PIK3C2G: variants seen among roughly 807,000 people sequenced by gnomAD.
PIK3C2G encodes the protein phosphatidylinositol-4-phosphate 3-kinase catalytic subunit type 2 gamma.
PIK3C2G carries 168 observed loss-of-function variants against 181.1 expected under a neutral mutation model. The ratio of observed to expected loss-of-function variants is 0.93; its 90% confidence interval spans 0.82 to 1.05. The LOEUF is 1.05. PIK3C2G is among the 50% of genes least tolerant of loss of function. The pLI is 0.00. For missense variants in PIK3C2G, 1,869 were observed against 1,732.8 expected, an observed-to-expected ratio of 1.08 and a Z score of -1.40; for synonymous variants, 573 against 592.2, an observed-to-expected ratio of 0.97 and a Z score of 0.47.
chr12:18,525,385 C>A (rs1486895593), intron 24 of PIK3C2G, among the ~76,000 whole-genome samples: 1 of 150,364 alleles, frequency 6.7e-6, no homozygotes, highest in African/African-American at 2.5e-5. Flanking sequence ...AAAAGCAAAA[C>A]CCCATCTCAA....
chr12:18,318,470 C>A (rs1006735101), intron 6 of PIK3C2G, among the ~76,000 whole-genome samples: 3 of 151,940 alleles, frequency 2.0e-5, no homozygotes, highest in Admixed American at 2.0e-4. Flanking sequence ...CAAATGTTCT[C>A]TCAGTTTTAT....
chr12:18,546,686 C>T (rs373336500), intron 26 of PIK3C2G, among the ~76,000 whole-genome samples: 11 of 152,078 alleles, frequency 7.2e-5, no homozygotes, highest in African/African-American at 2.6e-4. Flanking sequence ...AATAAGAGGT[C>T]ATTGAAAAGA....
At chr12:18,265,687 T>G (rs1309182028) in intron 1 of PIK3C2G, among the ~76,000 whole-genome samples, 1 of 152,068 alleles carries the variant, frequency 6.6e-6, no homozygotes, top group Non-Finnish European at 1.5e-5. Flanking sequence ...CTTTTAACTT[T>G]GCTTTAATTT....
At chr12:18,357,277 A>G (rs1178138343) in intron 11 of PIK3C2G, among the ~76,000 whole-genome samples, 1 of 152,104 alleles carries the variant, frequency 6.6e-6, no homozygotes, top group Admixed American at 6.5e-5. Flanking sequence ...ACAAGATTTT[A>G]TAGTTTTGTC....
intron 31 of PIK3C2G, among the ~76,000 whole-genome samples, chr12:18,638,204 C>G (rs661175): frequency 0.97 from 148,330 of 152,232 alleles, 72,405 homozygotes; most frequent in East Asian, 1. Flanking sequence ...AGAGATGAGA[C>G]ATGGGGTAGA....
intron 18 of PIK3C2G, among the ~76,000 whole-genome samples, chr12:18,447,524 C>T (rs528917725): frequency 6.6e-6 from 1 of 152,280 alleles, no homozygotes; most frequent in East Asian, 1.9e-4. Context: ...CACTTCATGT[C>T]AGGTGCCCCT....
At chr12:18,255,216 A>AAAATAAGTAAAT (rs1948132569) in intron 1 of PIK3C2G, among the ~76,000 whole-genome samples, 2 of 131,858 alleles carry the variant, frequency 1.5e-5, no homozygotes, top group Non-Finnish European at 3.2e-5. Context: ...CTCCGTCTCA[A>AAAATAAGTAAAT]AAATAAATAA....
At chr12:18,719,097 T>C in the PIK3C2G span, among the ~76,000 whole-genome samples, 1 of 152,172 alleles carries the variant, frequency 6.6e-6, no homozygotes, top group Non-Finnish European at 1.5e-5. Context: ...GAGGATCTTC[T>C]GACTAGCTAA....
chr12:18,539,317 G>C (rs887259831), intron 25 of PIK3C2G, among the ~76,000 whole-genome samples: 1 of 151,758 alleles, frequency 6.6e-6, no homozygotes, highest in African/African-American at 2.4e-5. Flanking sequence ...GCATGGCCCA[G>C]GCATTGTGCT....
At chr12:18,415,646 A>G (rs866391381) in intron 16 of PIK3C2G, among the ~76,000 whole-genome samples, 20 of 152,252 alleles carry the variant, frequency 1.3e-4, no homozygotes, top group African/African-American at 4.3e-4. Flanking sequence ...GAAAGCTTAG[A>G]TAGGCTAAAA....
At chr12:18,519,905 T>C (rs569150294) in intron 24 of PIK3C2G, among the ~76,000 whole-genome samples, 1 of 149,918 alleles carries the variant, frequency 6.7e-6, no homozygotes, top group Admixed American at 6.7e-5. Flanking sequence ...CCTCCAAGCC[T>C]GGTGGTGATG....
intron 4 of PIK3C2G, 28 bp from the exon 5 acceptor site, chr12:18,293,873 G>C: frequency 2.7e-6 from 3 of 1,113,802 alleles, no homozygotes; most frequent in Non-Finnish European, 4.1e-6. Context: ...CACTTTTATT[G>C]ACTTTTATTA....
At chr12:18,692,688 G>C in the PIK3C2G span, 1 of 717,294 alleles carries the variant, frequency 1.4e-6, no homozygotes, top group Non-Finnish European at 2.3e-6. Context: ...AATCAGTAAA[G>C]AACAAAATCA....
intron 16 of PIK3C2G, among the ~76,000 whole-genome samples, chr12:18,404,070 A>G (rs1944390761): frequency 6.9e-6 from 1 of 144,632 alleles, no homozygotes; most frequent in Non-Finnish European, 1.5e-5. Context: ...ATTGTTTTGC[A>G]AGAAGAAAAG....
rs556357522 is a variant in PIK3C2G, at chr12:18,301,990, T to C, written c.1034+7975T>C. Among the ~76,000 whole-genome samples the C allele has an allele frequency of 3.9e-5, 6 of 152,326 alleles. No homozygotes were observed. The South Asian group carries it at 1.0e-3, about 26-fold the overall frequency. ...AGCTGTAATCAGCATCAATGATTTC[T>C]GTAATTTCCTCAGTGGCTTAAGCTA... is the stretch of plus-strand genomic sequence containing the variant. On this transcript the variant is annotated intron_variant, in intron 5 of 32. Transcript: ENST00000538779.
At chr12:18,620,570 G>GATAGA (rs780042090) in intron 31 of PIK3C2G, among the ~76,000 whole-genome samples, 19 of 131,590 alleles carry the variant, frequency 1.4e-4, no homozygotes, top group South Asian at 2.4e-4. Flanking sequence ...AGATAGATAG[G>GATAGA]TAACCATACT....
the PIK3C2G span, among the ~76,000 whole-genome samples, chr12:18,671,658 T>A: frequency 3.3e-5 from 5 of 152,166 alleles, no homozygotes; most frequent in East Asian, 1.9e-4. Context: ...TAAAAAAAAA[T>A]TTCATTATTG....
At chr12:18,294,499 T>C (rs1470677619) in intron 5 of PIK3C2G, among the ~76,000 whole-genome samples, 1 of 152,026 alleles carries the variant, frequency 6.6e-6, no homozygotes, top group South Asian at 2.1e-4. Context: ...GCATTATAAC[T>C]TACTTTTTAT....
the PIK3C2G span, among the ~76,000 whole-genome samples, chr12:18,716,137 T>G: frequency 6.6e-6 from 1 of 152,216 alleles, no homozygotes; most frequent in Non-Finnish European, 1.5e-5. Flanking sequence ...AATGTTTGCT[T>G]TCCTGACTCG....
Sources: gnomAD v4.1 joint callset for allele counts (sites outside exome capture counted in the v4.1 genomes callset) on GRCh38, gnomAD v4.1.1 for gene constraint, MANE v1.5 for transcripts, NCBI Gene and HGNC (gene_info 2026-07-23, HGNC 2026-07-21) for gene names.